SPATA7: variants seen among roughly 807,000 people sequenced by gnomAD.
SPATA7 encodes the protein spermatogenesis associated 7, also known as spermatogenesis-associated protein 7.
A neutral mutation model predicts 51.8 loss-of-function variants in SPATA7; 43 were observed. That is an observed-to-expected ratio of 0.83 (90% CI 0.65 to 1.07). The LOEUF (loss-of-function observed/expected upper bound fraction) is 1.07. Ranked by LOEUF, SPATA7 falls within the 50% of genes least tolerant of loss-of-function variation. The pLI, the probability that SPATA7 is intolerant of heterozygous loss-of-function variation, is 0.00. For synonymous variants in SPATA7, 230 were observed against 252.8 expected, an observed-to-expected ratio of 0.91 and a Z score of 0.86; for missense variants, 683 against 701.3, an observed-to-expected ratio of 0.97 and a Z score of 0.30.
intron 4 of SPATA7, among the ~76,000 whole-genome samples, chr14:88,407,660 T>C (rs2076233477): frequency 6.6e-6 from 1 of 152,202 alleles, no homozygotes; most frequent in Admixed American, 6.5e-5. Flanking sequence ...GCTTTTGGTG[T>C]TTTAGTCATG....
chr14:88,393,947 C>G (rs1009360990), intron 3 of SPATA7, among the ~76,000 whole-genome samples: 2 of 152,040 alleles, frequency 1.3e-5, no homozygotes, highest in Non-Finnish European at 2.9e-5. Flanking sequence ...AATACTACTA[C>G]AACCATGCTG....
At position 88,469,687 on chromosome 14, in the gene SPATA7, G is replaced by C; in HGVS notation, c.255-160G>C. The C allele has an allele frequency of 1.2e-6, 2 of 1,614,136 alleles. No homozygotes were observed. Among genetic ancestry groups the C allele is most frequent in the Non-Finnish European group, 1.7e-6 (2 of 1,180,020 alleles). ...TCCATAGGTGACAGTGTTGTGCCTG[G>C]AACCAAGTCGTGGCCAGTACCTAAA... is the stretch of plus-strand genomic sequence containing the variant. On this transcript the variant is annotated intron_variant, in intron 4 of 4. Coordinates refer to the SPATA7 transcript ENST00000556406. The surrounding 1 kb of genome is among the most constrained non-coding windows in gnomAD (Gnocchi z 4.3).
intron 4 of SPATA7, 102 bp downstream of exon 4, chr14:88,396,305 A>G: frequency 1.3e-6 from 1 of 790,042 alleles, no homozygotes; most frequent in Non-Finnish European, 2.2e-6. Flanking sequence ...GTCCAGTTCA[A>G]TATTAAGTAC....
chr14:88,436,525 A>G (rs530265766), intron 10 of SPATA7, among the ~76,000 whole-genome samples: 1 of 152,198 alleles, frequency 6.6e-6, no homozygotes, highest in East Asian at 1.9e-4. Flanking sequence ...ATTTTCCCTC[A>G]ATGTTTTCAT....
At position 88,450,526 on chromosome 14, in the gene SPATA7, A is replaced by G. The variant is rs998620114; in HGVS notation, c.178-4534A>G. 2.6e-5 allele frequency among the ~76,000 whole-genome samples: 4 copies of G among 152,182 alleles called. No individual in the cohort carries two copies. In the East Asian group the frequency reaches 5.8e-4, roughly 22 times the overall value. On this transcript the variant is annotated intron_variant, in intron 3 of 3. Coordinates refer to the SPATA7 transcript ENST00000554802. Reference sequence around the variant, plus strand: ...GCAAATTCAGCATTTGTTTGTCTGAAGAAGACTGTATCTTTCCTTCATTTA... The same window carrying G: ...GCAAATTCAGCATTTGTTTGTCTGAGGAAGACTGTATCTTTCCTTCATTTA...
chr14:88,438,376 T>C lies in SPATA7; in HGVS notation c.1754T>C (p.Leu585Pro). The change falls in exon 12 of 12, where the codon CTT becomes CCT. Residue 585 changes from leucine to proline, a missense_variant. Transcript: ENST00000393545. The part of the protein sequence containing the change: ...DNNHDMELST[L>P]KIMEMSIEDC... ...AATCATGACATGGAGTTATCAACTC[T>C]TAAAATCATGGAAATGAGCATTGAG... is the stretch of plus-strand genomic sequence containing the variant. The C allele has an allele frequency of 1.2e-6, 2 of 1,614,076 alleles. No homozygotes were observed. Among genetic ancestry groups the C allele is most frequent in the East Asian group, 4.5e-5 (2 of 44,864 alleles).
At chr14:88,442,706 G>C (rs189584011), downstream of SPATA7, among the ~76,000 whole-genome samples, 433 of 152,124 alleles carry the variant, frequency 2.8e-3, no homozygotes, top group Non-Finnish European at 5.1e-3. Context: ...TTTCGTTGAG[G>C]ATTTTTGCAT....
At chr14:88,409,333 G>A (rs2076279092) in intron 4 of SPATA7, among the ~76,000 whole-genome samples, 1 of 152,206 alleles carries the variant, frequency 6.6e-6, no homozygotes, top group East Asian at 1.9e-4. Context: ...GGATGTATGT[G>A]TCCAGGAATT....
chr14:88,469,531 T>G lies in SPATA7; in HGVS notation c.255-316T>G, dbSNP rs201610603. The G allele has an allele frequency of 4.2e-4, 680 of 1,614,146 alleles. 1 individual carries two copies. The highest frequency in any genetic ancestry group is 5.3e-4 in the Non-Finnish European group (620 of 1,179,984). ...TCCCTTGAGGTCTTCTGGACAGCCA[T>G]GTTCAGGCCAGTCTGTGTATTGGAG... On this transcript the variant is annotated intron_variant, in intron 4 of 4. Coordinates refer to the SPATA7 transcript ENST00000556406. The surrounding 1 kb of genome is among the most constrained non-coding windows in gnomAD (Gnocchi z 4.3).
rs4904448 is a variant in SPATA7 at position 88,385,822 on chromosome 14, G to A, written c.4G>A (p.Asp2Asn). Residue 2 changes from aspartate (D) to asparagine (N), a missense_variant, in exon 1 of 12, where the codon GAT becomes AAT. Transcript: ENST00000393545. The part of the protein sequence containing the change: M[D>N]GSRRVRATSV... ...GGCGGCTGCAAGAGGACTAAGCATG[G>A]ATGGCAGCCGGAGAGGTAAAGGGCA... 0.38 allele frequency: 611,849 copies of A among 1,604,026 alleles called. 126,073 individuals are homozygous for A. The highest frequency in any genetic ancestry group is 0.44 in the Middle Eastern group (2,612 of 6,002).
intron 1 of SPATA7, among the ~76,000 whole-genome samples, chr14:88,389,943 A>G (rs73319866): frequency 0.035 from 5,364 of 152,274 alleles, 311 homozygotes; most frequent in African/African-American, 0.12. Flanking sequence ...GTAGCTTAGA[A>G]CATGGTTCAA....
intron 5 of SPATA7, among the ~76,000 whole-genome samples, chr14:88,418,044 A>AT (rs1834635710): frequency 6.6e-6 from 1 of 152,092 alleles, no homozygotes; most frequent in Non-Finnish European, 1.5e-5. Context: ...TTTTATGTAA[A>AT]TTTTTGGCAG....
At chr14:88,396,074 G>A (rs916878777) in intron 3 of SPATA7, 82 bp from the exon 4 acceptor site, 135 of 1,133,216 alleles carry the variant, frequency 1.2e-4, no homozygotes, top group Non-Finnish European at 1.7e-4. Context: ...GCAAGGTCTG[G>A]AACATTTTGT....
chr14:88,401,727 C>T (rs527870569), intron 4 of SPATA7, among the ~76,000 whole-genome samples: 1 of 147,940 alleles, frequency 6.8e-6, no homozygotes, highest in African/African-American at 2.5e-5. Flanking sequence ...GTCCTAGCTA[C>T]ATTGGAGGCT....
At chr14:88,455,807 G>C (rs188549671), downstream of SPATA7, among the ~76,000 whole-genome samples, 2 of 151,816 alleles carry the variant, frequency 1.3e-5, no homozygotes, top group Admixed American at 1.3e-4. Context: ...TACACGTGCC[G>C]TGTTGGTGTG....
Position 88,385,719 on chromosome 14 carries a change from C to T in SPATA7, c.-100C>T, listed in dbSNP as rs1049023618. On this transcript the variant is annotated 5_prime_UTR_variant, in exon 1 of 12. Coordinates refer to ENST00000393545, the MANE Select transcript of SPATA7 (RefSeq NM_018418.5). ...TCCCTGCTGCTGCAGCCCCCGTCGG[C>T]TCCTCTTTTCCAGTCCTCCACTGCC... 1.7e-6 allele frequency: 2 copies of T among 1,194,952 alleles called. No homozygotes were observed. The highest frequency in any genetic ancestry group is 2.4e-6 in the Non-Finnish European group (2 of 821,214). The allele number at this position is 1,194,952 out of a possible 1,614,324, so 74.0% of individuals were successfully genotyped here. A position where few individuals can be genotyped will look rare whatever the true frequency, so the allele number is the denominator to read the frequency against.
intron 1 of SPATA7, among the ~76,000 whole-genome samples, chr14:88,391,099 G>C (rs2075731848): frequency 6.6e-6 from 1 of 151,954 alleles, no homozygotes; most frequent in African/African-American, 2.4e-5. Flanking sequence ...TGTCCTCCTT[G>C]TTATAGCTTT....
At chr14:88,434,457 T>C (rs923531631) in intron 10 of SPATA7, among the ~76,000 whole-genome samples, 11 of 151,976 alleles carry the variant, frequency 7.2e-5, no homozygotes, top group Middle Eastern at 3.4e-3. Context: ...GAGGCTAAGG[T>C]GGGCGGATCA....
chr14:88,416,940 A>C, intron 5 of SPATA7, 96 bp downstream of exon 5: 1 of 1,053,222 alleles, frequency 9.5e-7, no homozygotes, highest in African/African-American at 1.6e-5. Flanking sequence ...AGGGTCAGCA[A>C]ATTTTTCCTG....
Sources: gnomAD v4.1 joint callset for allele counts (sites outside exome capture counted in the v4.1 genomes callset) on GRCh38, gnomAD v4.1.1 for gene constraint, Gnocchi (gnomAD v3.1) non-coding constraint, MANE v1.5 for transcripts, NCBI Gene and HGNC (gene_info 2026-07-23, HGNC 2026-07-21) for gene names.